Variants in S100Z observed in about 807,000 individuals in gnomAD.
The protein encoded by S100Z is S100 calcium binding protein Z.
S100Z carries 11 observed loss-of-function variants against 8.5 expected under a neutral mutation model. The observed-to-expected ratio is 1.30, with a 90% CI of 0.82 to 2.15. The LOEUF (loss-of-function observed/expected upper bound fraction) is 2.15, where lower values mean the gene tolerates loss of function less well. Ranked by LOEUF, S100Z falls within the 30% of genes most tolerant of loss-of-function variation. The probability of loss-of-function intolerance (pLI) is 0.00; values close to 1 mark genes in which losing one functional copy is unlikely to be tolerated. For missense variants in S100Z, 126 were observed against 117.9 expected (o/e 1.07, Z -0.32); for synonymous variants, 34 against 43.8 (o/e 0.78, Z 0.89).
intron 4 of S100Z, among the ~76,000 whole-genome samples, chr5:76,891,765 G>T (rs1743867749): frequency 6.6e-6 from 1 of 152,134 alleles, no homozygotes; most frequent in Non-Finnish European, 1.5e-5. Context: ...GACAGAGGGT[G>T]CAGGGGAAGA....
intron 4 of S100Z, among the ~76,000 whole-genome samples, chr5:76,916,663 A>G (rs550268975): frequency 3.1e-4 from 47 of 152,330 alleles, no homozygotes; most frequent in African/African-American, 1.1e-3. Context: ...ACACTTGCAA[A>G]CTAAACACAC....
the S100Z span, among the ~76,000 whole-genome samples, chr5:76,940,353 A>T: frequency 1.2e-4 from 19 of 152,106 alleles, no homozygotes; most frequent in Non-Finnish European, 2.9e-5. Context: ...GAGGCTGAGG[A>T]AAATGCAGGG....
chr5:76,908,677 G>A (rs998552987), intron 4 of S100Z, among the ~76,000 whole-genome samples: 1 of 152,130 alleles, frequency 6.6e-6, no homozygotes, highest in African/African-American at 2.4e-5. Context: ...CTAGGATATG[G>A]GGAGCCTCAG....
At chr5:76,926,781 G>A in the S100Z span, among the ~76,000 whole-genome samples, 16 of 152,280 alleles carry the variant, frequency 1.1e-4, no homozygotes, top group Admixed American at 7.8e-4. Flanking sequence ...TCCAGCTTGC[G>A]GCAGTAGAAT....
At chr5:76,895,230 GT>G (rs971543454) in intron 4 of S100Z, among the ~76,000 whole-genome samples, 10 of 152,090 alleles carry the variant, frequency 6.6e-5, no homozygotes, top group African/African-American at 2.4e-4. Context: ...TATCATCACC[GT>G]TTTAAAACTT....
chr5:76,888,121 G>C (rs1313569424), intron 4 of S100Z, among the ~76,000 whole-genome samples: 8 of 151,594 alleles, frequency 5.3e-5, no homozygotes, highest in Admixed American at 5.2e-4. Flanking sequence ...GCTAGGCATG[G>C]TAGTGTGTGC....
intron 1 of S100Z, among the ~76,000 whole-genome samples, chr5:76,865,164 T>C (rs1751223698): frequency 6.6e-6 from 1 of 151,926 alleles, no homozygotes; most frequent in Non-Finnish European, 1.5e-5. Flanking sequence ...TGGGATGAGA[T>C]GTAGAGACGG....
chr5:76,942,426 T>C, the S100Z span, among the ~76,000 whole-genome samples: 1 of 23,434 alleles, frequency 4.3e-5, no homozygotes, highest in Non-Finnish European at 1.0e-4. Flanking sequence ...ATAGCTATTA[T>C]ATTGGCCAAA....
At chr5:76,912,881 T>A (rs1744716966) in intron 4 of S100Z, among the ~76,000 whole-genome samples, 12 of 70,058 alleles carry the variant, frequency 1.7e-4, no homozygotes, top group South Asian at 9.1e-4. Flanking sequence ...AAAGAAGGAG[T>A]CAGAGAGAGA....
chr5:76,855,155 C>G (rs190402445), intron 1 of S100Z, among the ~76,000 whole-genome samples: 147 of 152,318 alleles, frequency 9.7e-4, no homozygotes, highest in African/African-American at 3.3e-3. Context: ...AGGAATGGAG[C>G]CTTCATAGAG....
chr5:76,875,900 G>T (rs1419544441), intron 3 of S100Z, among the ~76,000 whole-genome samples: 1 of 152,252 alleles, frequency 6.6e-6, no homozygotes, highest in East Asian at 1.9e-4. Context: ...CTTCAGAGGT[G>T]GGGTACTTCA....
intron 4 of S100Z, among the ~76,000 whole-genome samples, chr5:76,883,145 G>A (rs1487664214): frequency 6.6e-6 from 1 of 152,054 alleles, no homozygotes; most frequent in Non-Finnish European, 1.5e-5. Context: ...GGCATTGAGT[G>A]GGGTAAGGGT....
At chr5:76,932,409 G>A in the S100Z span, among the ~76,000 whole-genome samples, 4 of 152,128 alleles carry the variant, frequency 2.6e-5, no homozygotes, top group Admixed American at 6.5e-5. Context: ...GCTGGAGTGC[G>A]GTGGTGTGAT....
intron 2 of S100Z, among the ~76,000 whole-genome samples, chr5:76,874,484 G>A (rs1743110387): frequency 6.6e-6 from 1 of 152,124 alleles, no homozygotes. Flanking sequence ...TGGGGCAGCA[G>A]CTCACACCTG....
At chr5:76,950,038 T>C in the S100Z span, among the ~76,000 whole-genome samples, 1 of 152,150 alleles carries the variant, frequency 6.6e-6, no homozygotes, top group Admixed American at 6.5e-5. Context: ...TGGAAAACTA[T>C]TTGGTGGTTG....
the S100Z span, among the ~76,000 whole-genome samples, chr5:76,931,413 C>T: frequency 6.6e-6 from 1 of 152,132 alleles, no homozygotes; most frequent in Non-Finnish European, 1.5e-5. Context: ...ATGACTGGCT[C>T]CTCTTTCTCT....
the S100Z span, among the ~76,000 whole-genome samples, chr5:76,937,597 A>T: frequency 1.3e-5 from 2 of 151,064 alleles, no homozygotes; most frequent in Non-Finnish European, 3.0e-5. Context: ...CTCTACCATA[A>T]AAAAAAATAG....
intron 1 of S100Z, among the ~76,000 whole-genome samples, chr5:76,854,401 G>A (rs185683065): frequency 6.6e-6 from 1 of 152,272 alleles, no homozygotes; most frequent in East Asian, 1.9e-4. Context: ...GCGGAGATGA[G>A]GAACTTATTG....
At chr5:76,945,234 C>T in the S100Z span, among the ~76,000 whole-genome samples, 1 of 152,194 alleles carries the variant, frequency 6.6e-6, no homozygotes, top group African/African-American at 2.4e-5. Context: ...ACCAGGGGCA[C>T]AATGCACTGC....
Sources: gnomAD v4.1 joint callset for allele counts (sites outside exome capture counted in the v4.1 genomes callset) on GRCh38, gnomAD v4.1.1 for gene constraint, MANE v1.5 for transcripts, NCBI Gene and HGNC (gene_info 2026-07-23, HGNC 2026-07-21) for gene names.